ZC3H12D: variants seen among roughly 807,000 people sequenced by gnomAD.
ZC3H12D encodes the protein zinc finger CCCH-type containing 12D.
Under a neutral mutation model 24.2 loss-of-function variants are expected in ZC3H12D, and 11 were observed. The ratio of observed to expected loss-of-function variants is 0.46; its 90% CI spans 0.29 to 0.75. ZC3H12D has a LOEUF of 0.75. Among genes scored for constraint, ZC3H12D ranks in the 30% least tolerant of loss-of-function variants. The probability of loss-of-function intolerance (pLI) is 0.11; values close to 1 mark genes in which losing one functional copy is unlikely to be tolerated. For synonymous variants in ZC3H12D, 333 were observed against 341.8 expected (o/e 0.97, Z 0.28); for missense variants, 740 against 767.7 (o/e 0.96, Z 0.43).
intron 2 of ZC3H12D, among the ~76,000 whole-genome samples, chr6:149,466,183 G>A (rs1776158285): frequency 6.6e-6 from 1 of 151,708 alleles, no homozygotes; most frequent in Non-Finnish European, 1.5e-5. Context: ...CCGTTTAGAG[G>A]CCAGGCCAGC....
rs1226303984 is a variant in ZC3H12D, at chr6:149,474,269, A to G, written c.275T>C (p.Ile92Thr). The G allele has an allele frequency of 1.3e-6, 2 of 1,506,218 alleles. No homozygotes were observed. The highest frequency in any genetic ancestry group is 2.6e-5 in the South Asian group (2 of 76,988). 93.3% of individuals were successfully genotyped at this position (1,506,218 alleles called of 1,614,324 possible). ...FRTLASSLRP[I>T]VIDGSNVAMS... is the part of the protein sequence containing the mutation. The stretch of plus-strand genomic sequence containing the variant: ...CGCCACGTTGCTGCCATCAATCACT[A>G]TGGGTCGCAGAGAACTGGCCAGGGT... Residue 92 changes from isoleucine (I) to threonine (T), a missense_variant, in exon 2 of 6, where the codon ATA (isoleucine) becomes ACA (threonine). Coordinates refer to ENST00000409806, the MANE Select transcript of ZC3H12D (RefSeq NM_207360.3).
At chr6:149,461,720 A>G (rs1776075291) in intron 3 of ZC3H12D, 111 bp downstream of exon 3, 9 of 1,236,822 alleles carry the variant, frequency 7.3e-6, no homozygotes, top group Middle Eastern at 2.0e-4. Context: ...CGCAGTGAGG[A>G]AGACAAATAT....
chr6:149,464,263 C>CA (rs1776118402), intron 2 of ZC3H12D, among the ~76,000 whole-genome samples: 2 of 152,270 alleles, frequency 1.3e-5, no homozygotes, highest in South Asian at 4.1e-4. Context: ...AAGGGGTCAC[C>CA]AAACGCTGCT....
chr6:149,454,850 T>A (rs1775955270), intron 4 of ZC3H12D, among the ~76,000 whole-genome samples: 1 of 152,206 alleles, frequency 6.6e-6, no homozygotes, highest in South Asian at 2.1e-4. Context: ...TGGCCTTTTG[T>A]AGCTGGAAAT....
chr6:149,460,324 C>T (rs148572298), intron 3 of ZC3H12D, among the ~76,000 whole-genome samples: 1 of 151,268 alleles, frequency 6.6e-6, no homozygotes, highest in African/African-American at 2.4e-5. Context: ...CAAAACACTT[C>T]TGCTCCCAAG....
Position 149,450,976 on chromosome 6 carries a change from T to C in ZC3H12D, c.1291A>G (p.Arg431Gly). Residue 431 changes from arginine to glycine, a missense_variant, in exon 6 of 6, where the codon AGG becomes GGG. Arg to Gly is a moderately radical substitution (Grantham distance 125). Coordinates refer to ENST00000409806, the MANE Select transcript of ZC3H12D (RefSeq NM_207360.3). Reference protein sequence around the residue: ...DLHGDLLSPRRPPDDPWARPP... With the variant: ...DLHGDLLSPRGPPDDPWARPP... ...CGGGCCCACGGGTCGTCGGGTGGCC[T>C]GCGCGGGGAAAGCAAGTCGCCGTGC... 1 of 1,520,516 alleles carries C rather than the reference T, an allele frequency of 6.6e-7. No individual in the cohort carries two copies. Among genetic ancestry groups the C allele is most frequent in the Non-Finnish European group, 8.8e-7 (1 of 1,137,030 alleles). 94.2% of individuals were successfully genotyped at this position (1,520,516 alleles called of 1,614,324 possible). A position where few individuals can be genotyped will look rare whatever the true frequency, so the allele number is the denominator to read the frequency against.
Position 149,452,347 on chromosome 6 carries a change from C to T in ZC3H12D, c.787+269G>A, listed in dbSNP as rs11755854. 2.4e-3 allele frequency: 880 copies of T among 372,418 alleles called. 7 individuals carry two copies. The highest frequency in any genetic ancestry group is 2.6e-4 in the Non-Finnish European group (55 of 208,518). The allele number at this position is 372,418 out of a possible 1,614,324, so 23.1% of individuals were successfully genotyped here. On this transcript the variant is annotated intron_variant, in intron 5 of 5. Coordinates refer to ENST00000409806, the MANE Select transcript of ZC3H12D (RefSeq NM_207360.3). The surrounding 1 kb of genome is among the most constrained non-coding windows in gnomAD (Gnocchi z 4.0). ...GCAGCTGGGTTTGTGTCCAGGCTCC[C>T]GGCTTCTCAGACACAGCTTTGCTGT...
At chr6:149,455,696 C>G (rs1775968133) in intron 4 of ZC3H12D, among the ~76,000 whole-genome samples, 2 of 152,124 alleles carry the variant, frequency 1.3e-5, no homozygotes, top group South Asian at 4.1e-4. Flanking sequence ...TTGAACATTT[C>G]AACCCAGAGT....
At chr6:149,474,107 G>T (rs1250479970) in intron 2 of ZC3H12D, 132 bp downstream of exon 2, 1 of 693,768 alleles carries the variant, frequency 1.4e-6, no homozygotes. Flanking sequence ...CTAAGAGATG[G>T]TACAGGGATT....
intron 1 of ZC3H12D, among the ~76,000 whole-genome samples, chr6:149,477,808 G>A (rs190924377): frequency 1.3e-5 from 2 of 152,250 alleles, no homozygotes; most frequent in East Asian, 3.9e-4. Context: ...CTACTTCAGT[G>A]GTTCCCAAGG....
rs2115011930 is a variant in ZC3H12D, at chr6:149,474,138, C to T, written c.305+101G>A. On this transcript the variant is annotated intron_variant, in intron 2 of 5. Transcript: ENST00000409806. ...GGATTCAAAGCCTGATCCGTTGGCC[C>T]CAAAGCTCTTTGGACCAAACCACAA... The T allele has an allele frequency of 1.1e-5, 12 of 1,100,862 alleles. No homozygotes were observed. In the South Asian group the frequency reaches 3.4e-4, roughly 31 times the overall value. The allele number at this position is 1,100,862 out of a possible 1,614,324, so 68.2% of individuals were successfully genotyped here.
chr6:149,482,207 G>T (rs1263611195), intron 1 of ZC3H12D, among the ~76,000 whole-genome samples: 2 of 152,226 alleles, frequency 1.3e-5, no homozygotes, highest in African/African-American at 4.8e-5. Context: ...AATCAACTTG[G>T]TTCCTTTTTA....
At chr6:149,469,109 T>C (rs1291879194) in intron 2 of ZC3H12D, among the ~76,000 whole-genome samples, 2 of 152,178 alleles carry the variant, frequency 1.3e-5, no homozygotes, top group Non-Finnish European at 2.9e-5. Context: ...TAGATTTGCC[T>C]ACAGAATGTA....
At position 149,450,662 on chromosome 6, in the gene ZC3H12D, C is replaced by G. The variant is rs1291925808; in HGVS notation, c.*21G>C. Reference sequence around the variant, plus strand: ...ACGCAAGGCGAGGCTGGGCCATTCCCTGCAAGTGCGTGTTGGTCCCTTAGG... The same window carrying G: ...ACGCAAGGCGAGGCTGGGCCATTCCGTGCAAGTGCGTGTTGGTCCCTTAGG... On this transcript the variant is annotated 3_prime_UTR_variant, in exon 6 of 6. Transcript: ENST00000409806. The G allele has an allele frequency of 6.7e-7, 1 of 1,497,182 alleles. No homozygotes were observed. The highest frequency in any genetic ancestry group is 1.3e-5 in the South Asian group (1 of 78,846). 92.7% of individuals were successfully genotyped at this position (1,497,182 alleles called of 1,614,324 possible).
chr6:149,466,876 AAAAATAAAATAAAATAAAATAAAAT>A (rs149349012), intron 2 of ZC3H12D, among the ~76,000 whole-genome samples: 53,169 of 142,858 alleles, frequency 0.37, 10,264 homozygotes, highest in African/African-American at 0.47. Context: ...ACTCCATCTC[AAAAATAAAATAAAATAAAATAAAAT>A]AAAATAAAAT....
Position 149,461,816 on chromosome 6 carries a change from T to C in ZC3H12D, c.445+15A>G. 6.4e-7 allele frequency: 1 copy of C among 1,551,782 alleles called. No homozygotes were observed. The highest frequency in any genetic ancestry group is 8.7e-7 in the Non-Finnish European group (1 of 1,147,388). ...GTGTCTAGTACCTCTTGAGCATACA[T>C]CTGCTCCAGCATACCTCTGATAGGG... On this transcript the variant is annotated intron_variant, in intron 3 of 5. Transcript: ENST00000409806.
chr6:149,450,648 G>T lies in ZC3H12D; in HGVS notation c.*35C>A. ...TCCACCCGTCCAAGACGCAAGGCGA[G>T]GCTGGGCCATTCCCTGCAAGTGCGT... On this transcript the variant is annotated 3_prime_UTR_variant, in exon 6 of 6. Coordinates refer to ENST00000409806, the MANE Select transcript of ZC3H12D (RefSeq NM_207360.3). The T allele has an allele frequency of 6.8e-7, 1 of 1,478,690 alleles. No individual in the cohort carries two copies. The highest frequency in any genetic ancestry group is 9.0e-7 in the Non-Finnish European group (1 of 1,111,218). The allele number at this position is 1,478,690 out of a possible 1,614,324, so 91.6% of individuals were successfully genotyped here. A position where few individuals can be genotyped will look rare whatever the true frequency, so the allele number is the denominator to read the frequency against.
Position 149,456,627 on chromosome 6 carries a change from C to CCCCCCCCCCCCCGGGGGGCG in ZC3H12D, c.680+38_680+39insCGCCCCCCGGGGGGGGGGGG. ...CTGCCTCGACCCCGGCCCCCCGCCC[C>CCCCCCCCCCCCCGGGGGGCG]GCCGCCCCCCAGGGTGTCAGGACCC... On this transcript the variant is annotated intron_variant, in intron 4 of 5. Transcript: ENST00000409806. This position sits in a 1 kb window ranked among gnomAD's most constrained non-coding sequence, Gnocchi z 4.3. 1 of 1,403,090 alleles carries CCCCCCCCCCCCCGGGGGGCG rather than the reference C, an allele frequency of 7.1e-7. No homozygotes were observed. The highest frequency in any genetic ancestry group is 1.0e-6 in the Non-Finnish European group (1 of 997,692). 86.9% of individuals were successfully genotyped at this position (1,403,090 alleles called of 1,614,324 possible).
chr6:149,452,586 A>G lies in ZC3H12D; in HGVS notation c.787+30T>C. The G allele has an allele frequency of 6.7e-7, 1 of 1,492,952 alleles. No individual in the cohort carries two copies. Among genetic ancestry groups the G allele is most frequent in the African/African-American group, 1.4e-5 (1 of 71,286 alleles). The allele number at this position is 1,492,952 out of a possible 1,614,324, so 92.5% of individuals were successfully genotyped here. A position where few individuals can be genotyped will look rare whatever the true frequency, so the allele number is the denominator to read the frequency against. Reference sequence around the variant, plus strand: ...ACTGCCCCCACACAAGGCCCTGAACAGGGCCTGCGAAGCACTGGGCCCTAC... The same window carrying G: ...ACTGCCCCCACACAAGGCCCTGAACGGGGCCTGCGAAGCACTGGGCCCTAC... On this transcript the variant is annotated intron_variant, in intron 5 of 5. Coordinates refer to ENST00000409806, the MANE Select transcript of ZC3H12D (RefSeq NM_207360.3). The surrounding 1 kb of genome is among the most constrained non-coding windows in gnomAD (Gnocchi z 4.0).
Sources: allele counts gnomAD v4.1 joint callset (sites outside exome capture counted in the v4.1 genomes callset), GRCh38; gene constraint gnomAD v4.1.1; non-coding constraint Gnocchi (gnomAD v3.1); transcripts MANE v1.5; gene names NCBI Gene and HGNC (gene_info 2026-07-23, HGNC 2026-07-21).